Variants in NEDD4L observed in about 807,000 individuals in gnomAD.
The protein encoded by NEDD4L is E3 ubiquitin-protein ligase NEDD4-like.
NEDD4L carries 54 observed loss-of-function variants against 148.9 expected under a neutral mutation model. That is an observed-to-expected ratio of 0.36 (90% CI 0.29 to 0.45). NEDD4L has a LOEUF of 0.45. Among genes scored for constraint, NEDD4L ranks in the 20% least tolerant of loss-of-function variants. NEDD4L has a pLI of 1.00. For missense variants in NEDD4L, 856 were observed against 1,233.8 expected (o/e 0.69, Z 4.59); for synonymous variants, 433 against 440.7 (o/e 0.98, Z 0.22).
At chr18:58,130,842 A>G (rs1236911533) in intron 1 of NEDD4L, among the ~76,000 whole-genome samples, 9 of 97,398 alleles carry the variant, frequency 9.2e-5, no homozygotes, top group Admixed American at 2.6e-4. Context: ...CTTTGTTGGG[A>G]TTTGGTTGGT....
In NEDD4L at chr18:58,388,866, G is replaced by A. The variant is rs116166330; in HGVS notation, c.2548-219G>A. On this transcript the variant is annotated intron_variant, in intron 27 of 30. Coordinates refer to ENST00000400345, the MANE Select transcript of NEDD4L (RefSeq NM_001144967.3). ...TCCGATACGACATGCCGTGGCTTGC[G>A]CAAGGTTCGAATTGAGCTGCCCTCG... 5,426 of 567,160 alleles carry A rather than the reference G, an allele frequency of 9.6e-3. 226 individuals carry two copies. Among genetic ancestry groups the A allele is most frequent in the African/African-American group, 0.09 (4,831 of 53,500 alleles). The allele number at this position is 567,160 out of a possible 1,614,324, so 35.1% of individuals were successfully genotyped here. A position where few individuals can be genotyped will look rare whatever the true frequency, so the allele number is the denominator to read the frequency against.
At chr18:58,047,239 T>C in intron 1 of NEDD4L, 1 of 985,114 alleles carries the variant, frequency 1.0e-6, no homozygotes, top group African/African-American at 1.7e-5. Context: ...TTGACCGCTA[T>C]TTAGAAGAGT....
chr18:58,105,368 G>A (rs956003800), intron 1 of NEDD4L, among the ~76,000 whole-genome samples: 9 of 152,154 alleles, frequency 5.9e-5, no homozygotes, highest in African/African-American at 2.2e-4. Flanking sequence ...TGACAGTTGG[G>A]TTAGTGTATT....
intron 4 of NEDD4L, among the ~76,000 whole-genome samples, chr18:58,249,994 TG>T (rs2047702382): frequency 6.6e-6 from 1 of 152,384 alleles, no homozygotes; most frequent in African/African-American, 2.4e-5. Flanking sequence ...TTTCCACTTG[TG>T]AACCTCCAAA....
At chr18:58,185,444 A>G (rs540245320) in intron 2 of NEDD4L, among the ~76,000 whole-genome samples, 42 of 152,354 alleles carry the variant, frequency 2.8e-4, no homozygotes, top group African/African-American at 9.4e-4. Flanking sequence ...GTCCTAAAAT[A>G]TATGTATATT....
intron 5 of NEDD4L, among the ~76,000 whole-genome samples, chr18:58,315,088 G>T (rs2058116023): frequency 6.6e-6 from 1 of 152,120 alleles, no homozygotes; most frequent in African/African-American, 2.4e-5. Context: ...CTAAAGAACT[G>T]CCCAGCTTTT....
chr18:58,275,906 G>A (rs1484088461), intron 5 of NEDD4L, among the ~76,000 whole-genome samples: 1 of 152,282 alleles, frequency 6.6e-6, no homozygotes, highest in East Asian at 1.9e-4. Context: ...TGAAGGTAGG[G>A]AGCAGTCAGG....
intron 1 of NEDD4L, among the ~76,000 whole-genome samples, chr18:58,133,309 CCT>C (rs1301510651): frequency 2.0e-5 from 3 of 152,176 alleles, no homozygotes; most frequent in Non-Finnish European, 4.4e-5. Flanking sequence ...CCACTGCTCC[CCT>C]GTTTACATGG....
intron 8 of NEDD4L, among the ~76,000 whole-genome samples, chr18:58,324,338 A>AATT (rs1165354695): frequency 6.6e-6 from 1 of 152,192 alleles, no homozygotes; most frequent in Non-Finnish European, 1.5e-5. Flanking sequence ...ATGGAACTCG[A>AATT]ATTTTGGTAC....
At chr18:58,202,970 T>C (rs2041580668) in intron 2 of NEDD4L, among the ~76,000 whole-genome samples, 1 of 151,294 alleles carries the variant, frequency 6.6e-6, no homozygotes, top group Non-Finnish European at 1.5e-5. Flanking sequence ...CCTCAGTACA[T>C]ACTTTTTTTT....
intron 2 of NEDD4L, among the ~76,000 whole-genome samples, chr18:58,200,620 T>C (rs2041284232): frequency 6.6e-6 from 1 of 152,232 alleles, no homozygotes; most frequent in South Asian, 2.1e-4. Context: ...TTTAAAGTAC[T>C]ACTGGAGATT....
rs1399483312 is a variant in NEDD4L, at chr18:58,195,393, TC to T, written c.122+29534del. The T allele has an allele frequency of 1.9e-5, 24 of 1,253,514 alleles. No homozygotes were observed. The East Asian group carries it at 1.3e-3, about 67-fold the overall frequency. The allele number at this position is 1,253,514 out of a possible 1,614,324, so 77.6% of individuals were successfully genotyped here. ...GCTCTGCTGCCTCTGATGAGGCACT[TC>T]CGTGTTCCCCACATTTGAATTTGCT... is the stretch of plus-strand genomic sequence containing the variant. On this transcript the variant is annotated intron_variant, in intron 2 of 30. Transcript: ENST00000400345.
In NEDD4L at chr18:58,399,039, C is replaced by T. The variant is rs2050668876; in HGVS notation, c.*2770C>T. The T allele has an allele frequency of 6.6e-6, 1 of 152,278 alleles. No homozygotes were observed. Among genetic ancestry groups the T allele is most frequent in the African/African-American group, 2.4e-5 (1 of 41,462 alleles). 9.4% of individuals were successfully genotyped at this position (152,278 alleles called of 1,614,324 possible). ...AGCTGTAGTTATTATGGGCCACTTA[C>T]ATGAGGCTGAGAAGTACGTGCCGGA... On this transcript the variant is annotated 3_prime_UTR_variant, in exon 31 of 31. Coordinates refer to ENST00000400345, the MANE Select transcript of NEDD4L (RefSeq NM_001144967.3).
chr18:58,263,470 G>A (rs1409243777), intron 5 of NEDD4L, among the ~76,000 whole-genome samples: 3 of 152,044 alleles, frequency 2.0e-5, no homozygotes, highest in African/African-American at 4.8e-5. Flanking sequence ...GGTTAGATGG[G>A]CTGGGGTTGT....
chr18:58,368,361 T>A (rs1418756127), intron 22 of NEDD4L, among the ~76,000 whole-genome samples: 1 of 152,178 alleles, frequency 6.6e-6, no homozygotes, highest in East Asian at 1.9e-4. Flanking sequence ...ATTTAAAGCA[T>A]ATAGATCATG....
chr18:58,279,738 A>T (rs1489109656), intron 5 of NEDD4L, among the ~76,000 whole-genome samples: 3 of 152,222 alleles, frequency 2.0e-5, no homozygotes, highest in Admixed American at 6.5e-5. Flanking sequence ...ATTTGACAAG[A>T]ATGTGTTTTA....
At chr18:58,342,066 T>C (rs1257641626) in intron 15 of NEDD4L, among the ~76,000 whole-genome samples, 1 of 152,240 alleles carries the variant, frequency 6.6e-6, no homozygotes, top group Non-Finnish European at 1.5e-5. Context: ...TTTCAGGACT[T>C]CCACCGTTCT....
At chr18:58,096,387 T>TTTATTTTATTTTA in intron 1 of NEDD4L, among the ~76,000 whole-genome samples, 1 of 137,296 alleles carries the variant, frequency 7.3e-6, no homozygotes, top group African/African-American at 3.2e-5. Context: ...TTTTATTTTA[T>TTTATTTTATTTTA]TTTATTTTAT....
intron 2 of NEDD4L, chr18:58,195,743 A>G (rs2040610352): frequency 1.5e-6 from 2 of 1,345,426 alleles, no homozygotes; most frequent in Admixed American, 1.9e-5. Context: ...GGTAAGTGCC[A>G]CCGAAGGTTC....
Sources: gnomAD v4.1 joint callset for allele counts (sites outside exome capture counted in the v4.1 genomes callset) on GRCh38, gnomAD v4.1.1 for gene constraint, MANE v1.5 for transcripts, NCBI Gene and HGNC (gene_info 2026-07-23, HGNC 2026-07-21) for gene names.